The following FRMPD3 variants were observed in gnomAD, a reference collection of about 807,000 sequenced individuals.
The protein encoded by FRMPD3 is FERM and PDZ domain-containing protein 3.
FRMPD3 carries 42 observed loss-of-function variants against 97.9 expected under a neutral mutation model. The observed-to-expected ratio is 0.43, with a 90% CI of 0.34 to 0.55. FRMPD3 has a LOEUF of 0.55. FRMPD3 is among the 20% of genes least tolerant of loss of function. FRMPD3 has a pLI of 0.03. For missense variants in FRMPD3, 1,303 were observed against 1,457.7 expected (o/e 0.89, Z 1.73); for synonymous variants, 577 against 581.1 (o/e 0.99, Z 0.10).
intron 13 of FRMPD3, among the ~76,000 whole-genome samples, chrX:107,580,501 C>T (rs1331476651): frequency 9.0e-6 from 1 of 111,485 alleles, no homozygotes; most frequent in Non-Finnish European, 1.9e-5. Flanking sequence ...AGGGAAGCCA[C>T]CCTTAGAACT....
At chrX:107,581,464 T>TA (rs1281325612) in intron 13 of FRMPD3, among the ~76,000 whole-genome samples, 180 of 102,191 alleles carry the variant, frequency 1.8e-3, no homozygotes, top group Middle Eastern at 4.8e-3. Flanking sequence ...AGCTGTGCTT[T>TA]AAAAAAAAAA....
Position 107,563,134 on chromosome X carries a change from C to G in FRMPD3, c.1050C>G (p.Leu350=). 8.3e-7 allele frequency: 1 copy of G among 1,210,070 alleles called. No individual in the cohort carries two copies. The highest frequency in any genetic ancestry group is 1.1e-6 in the Non-Finnish European group (1 of 894,871). ...GTKGSAIQAK[L]QYLRILNELP... ...AGGGCTCTGCAATTCAGGCAAAGCT[C>G]CAGTATCTACGAATTCTGAATGAAC... Residue 350 remains leucine (L), a synonymous_variant, in exon 11 of 15, where the codon CTC becomes CTG. Coordinates refer to ENST00000683843, the MANE Select transcript of FRMPD3 (RefSeq NM_001388459.1).
intron 1 of FRMPD3, among the ~76,000 whole-genome samples, chrX:107,499,095 T>TA (rs1188883067): frequency 8.0e-4 from 80 of 99,663 alleles, no homozygotes; most frequent in African/African-American, 1.7e-3. Context: ...TATGTCCCAC[T>TA]AAAAAAAAAA....
chrX:107,586,293 C>T (rs1042471936), intron 13 of FRMPD3, among the ~76,000 whole-genome samples: 3 of 111,484 alleles, frequency 2.7e-5, no homozygotes, highest in Admixed American at 1.9e-4. Context: ...GTGATATCCC[C>T]TGTATCATTT....
chrX:107,522,764 G>A (rs1381886567), intron 1 of FRMPD3, among the ~76,000 whole-genome samples: 1 of 112,074 alleles, frequency 8.9e-6, no homozygotes, highest in African/African-American at 3.2e-5. Flanking sequence ...AGAAAGGCTA[G>A]GCCTTTACCC....
At chrX:107,462,644 G>A (rs1354793095) in intron 1 of FRMPD3, among the ~76,000 whole-genome samples, 5 of 111,817 alleles carry the variant, frequency 4.5e-5, no homozygotes, top group African/African-American at 1.6e-4. Context: ...CAATCCCCTT[G>A]CCATGCTAGA....
chrX:107,603,048 T>C lies in FRMPD3; in HGVS notation c.5009T>C (p.Ile1670Thr), dbSNP rs1924619006. 4.1e-6 allele frequency: 5 copies of C among 1,210,740 alleles called. No homozygotes were observed. Among genetic ancestry groups the C allele is most frequent in the African/African-American group, 3.5e-5 (2 of 57,816 alleles). ...TGSFQVLSSL[I>T]ETFVRLVFIV... ...AGCTTCCAGGTGCTGAGCAGCCTCA[T>C]TGAGACCTTCGTGCGGCTGGTGTTC... Residue 1670 changes from isoleucine to threonine, a missense_variant, in exon 15 of 15, where the codon ATT (isoleucine) becomes ACT (threonine). Around this residue, in one of 3 missense-constraint regions of FRMPD3, gnomAD observed 764 missense variants for 820.2 expected, o/e 0.93. Transcript: ENST00000683843.
At chrX:107,532,936 A>G (rs1332373957) in intron 3 of FRMPD3, among the ~76,000 whole-genome samples, 1 of 111,873 alleles carries the variant, frequency 8.9e-6, no homozygotes, top group Non-Finnish European at 1.9e-5. Context: ...ATTCTTTTGA[A>G]TATTTGCTAT....
chrX:107,508,944 G>T (rs1922098443), intron 1 of FRMPD3, among the ~76,000 whole-genome samples: 1 of 112,144 alleles, frequency 8.9e-6, no homozygotes, highest in Middle Eastern at 4.6e-3. Context: ...CCTTTATTAG[G>T]AATTATTTTC....
rs1485069887 is a variant in FRMPD3, at chrX:107,470,551, G to A, written c.-8+20546G>A. 3.6e-5 allele frequency among the ~76,000 whole-genome samples: 4 copies of A among 112,528 alleles called. No homozygotes were observed. The East Asian group carries it at 1.1e-3, about 31-fold the overall frequency. Reference sequence around the variant, plus strand: ...ACACCTAGGCCAGCCCAAGGCAGAAGCCACAGTCTTTTTATAACCTTGTCT... The same window carrying A: ...ACACCTAGGCCAGCCCAAGGCAGAAACCACAGTCTTTTTATAACCTTGTCT... On this transcript the variant is annotated intron_variant, in intron 1 of 14. Coordinates refer to ENST00000683843, the MANE Select transcript of FRMPD3 (RefSeq NM_001388459.1).
chrX:107,579,656 TGAG>T (rs1412056995), intron 13 of FRMPD3, among the ~76,000 whole-genome samples: 22 of 111,744 alleles, frequency 2.0e-4, no homozygotes, highest in African/African-American at 7.2e-4. Context: ...AGAAAGGCTT[TGAG>T]CTTAGAGAAA....
intron 4 of FRMPD3, among the ~76,000 whole-genome samples, chrX:107,540,817 C>A (rs948199270): frequency 8.9e-6 from 1 of 112,320 alleles, no homozygotes; most frequent in Admixed American, 9.4e-5. Context: ...CCCCACTCTT[C>A]CAGAGATTCT....
chrX:107,596,842 T>C (rs190006248), intron 13 of FRMPD3, among the ~76,000 whole-genome samples: 1 of 112,209 alleles, frequency 8.9e-6, no homozygotes, highest in Non-Finnish European at 1.9e-5. Context: ...CATTAGTAAC[T>C]TGTCAGATTT....
intron 14 of FRMPD3, among the ~76,000 whole-genome samples, chrX:107,599,961 A>G (rs776730724): frequency 1.8e-5 from 2 of 111,945 alleles, no homozygotes; most frequent in Non-Finnish European, 3.8e-5. Context: ...CCAACCGCAG[A>G]TCAAAAATAT....
chrX:107,582,829 A>C (rs191228557), intron 13 of FRMPD3, among the ~76,000 whole-genome samples: 3 of 111,720 alleles, frequency 2.7e-5, no homozygotes, highest in African/African-American at 9.7e-5. Context: ...CTTTTTCAAG[A>C]CTGTTTTGGT....
At chrX:107,503,230 T>C (rs1921956466) in intron 1 of FRMPD3, among the ~76,000 whole-genome samples, 1 of 112,383 alleles carries the variant, frequency 8.9e-6, no homozygotes, top group Non-Finnish European at 1.9e-5. Context: ...GCCCTGCCTC[T>C]CTGTTTAACC....
At chrX:107,498,086 T>A (rs959775033) in intron 1 of FRMPD3, among the ~76,000 whole-genome samples, 1 of 112,594 alleles carries the variant, frequency 8.9e-6, no homozygotes, top group African/African-American at 3.2e-5. Flanking sequence ...GCCAGCCAGT[T>A]TAAGAGACAT....
intron 4 of FRMPD3, among the ~76,000 whole-genome samples, chrX:107,534,209 T>A (rs1316127748): frequency 2.7e-5 from 3 of 112,094 alleles, no homozygotes; most frequent in African/African-American, 9.7e-5. Flanking sequence ...CCTCAAGAGT[T>A]GGATTTAGAA....
intron 1 of FRMPD3, among the ~76,000 whole-genome samples, chrX:107,495,629 A>G (rs767336921): frequency 8.5e-4 from 95 of 111,475 alleles, no homozygotes; most frequent in African/African-American, 2.9e-3. Flanking sequence ...GAGATAACAT[A>G]GAAGATGAGC....
Sources: allele counts gnomAD v4.1 joint callset (sites outside exome capture counted in the v4.1 genomes callset), GRCh38; gene constraint gnomAD v4.1.1; regional missense constraint gnomAD v4.1.1; transcripts MANE v1.5; gene names NCBI Gene and HGNC (gene_info 2026-07-23, HGNC 2026-07-21).